TSC22D1: variants seen among roughly 807,000 people sequenced by gnomAD.
TSC22D1 encodes the protein TSC22 domain family protein 1.
TSC22D1 carries 9 observed loss-of-function variants against 74.2 expected under a neutral mutation model. That is an observed-to-expected ratio of 0.12 (90% confidence interval 0.07 to 0.21). The LOEUF (loss-of-function observed/expected upper bound fraction) is 0.21. Among genes scored for constraint, TSC22D1 ranks in the 10% least tolerant of loss-of-function variants. The probability of loss-of-function intolerance (pLI) is 1.00; values close to 1 mark genes in which losing one functional copy is unlikely to be tolerated. For missense variants in TSC22D1, 1,427 were observed against 1,304.7 expected, an observed-to-expected ratio of 1.09 and a Z score of -1.44; for synonymous variants, 586 against 492.5, an observed-to-expected ratio of 1.19 and a Z score of -2.51.
rs186287285 is a variant in TSC22D1, at chr13:44,551,382, T to G, written c.2912+21781A>C. Among the ~76,000 whole-genome samples the G allele has an allele frequency of 7.5e-5, 8 of 107,122 alleles. No homozygotes were observed. The East Asian group carries it at 1.9e-3, about 25-fold the overall frequency. The allele number at this position is 107,122 out of a possible 152,430, so 70.3% of individuals were successfully genotyped here. On this transcript the variant is annotated intron_variant, in intron 1 of 2. Coordinates refer to ENST00000458659, the MANE Select transcript of TSC22D1 (RefSeq NM_183422.4). ...CTAAAACAAAAACCCAAAACCCCAA[T>G]CAGATGGGTGTGTGTGTGTGTGTGT...
intron 1 of TSC22D1, among the ~76,000 whole-genome samples, chr13:44,543,573 G>A (rs1342500721): frequency 6.6e-6 from 1 of 152,150 alleles, no homozygotes; most frequent in Non-Finnish European, 1.5e-5. Flanking sequence ...AGTCCTAGCT[G>A]GCAGTAAGAA....
At chr13:44,503,612 A>C (rs74068553) in intron 1 of TSC22D1, among the ~76,000 whole-genome samples, 1 of 152,218 alleles carries the variant, frequency 6.6e-6, no homozygotes, top group Non-Finnish European at 1.5e-5. Context: ...TCTAGAATAG[A>C]AAAGTCTTTC....
At chr13:44,438,074 T>C (rs779303736) in intron 1 of TSC22D1, among the ~76,000 whole-genome samples, 2 of 152,248 alleles carry the variant, frequency 1.3e-5, no homozygotes, top group Non-Finnish European at 2.9e-5. Flanking sequence ...CAATTTAATA[T>C]ACTAGAAATC....
intron 1 of TSC22D1, among the ~76,000 whole-genome samples, chr13:44,541,377 A>C (rs1299224296): frequency 6.6e-6 from 1 of 152,190 alleles, no homozygotes; most frequent in Non-Finnish European, 1.5e-5. Flanking sequence ...ACAAATGAGA[A>C]ATGACAGTTT....
intron 1 of TSC22D1, among the ~76,000 whole-genome samples, chr13:44,517,482 T>C (rs965654456): frequency 1.3e-5 from 2 of 151,810 alleles, no homozygotes; most frequent in African/African-American, 2.4e-5. Context: ...AACAACAGAA[T>C]TGTTAAATTT....
At chr13:44,492,794 A>G (rs1325755530) in intron 1 of TSC22D1, among the ~76,000 whole-genome samples, 2 of 152,106 alleles carry the variant, frequency 1.3e-5, no homozygotes, top group Non-Finnish European at 2.9e-5. Flanking sequence ...TTTCCTAATA[A>G]TTTACTTAAA....
chr13:44,549,766 C>CA (rs886489093), intron 1 of TSC22D1, among the ~76,000 whole-genome samples: 18 of 79,472 alleles, frequency 2.3e-4, no homozygotes, highest in Admixed American at 7.3e-4. Flanking sequence ...AACCCTGCCT[C>CA]AAAAAAAAAG....
At chr13:44,535,946 T>C (rs562320232) in intron 1 of TSC22D1, among the ~76,000 whole-genome samples, 2 of 151,984 alleles carry the variant, frequency 1.3e-5, no homozygotes, top group Non-Finnish European at 1.5e-5. Context: ...CATACACATA[T>C]AGGAAAAGCT....
chr13:44,543,455 T>C (rs1336699481), intron 1 of TSC22D1, among the ~76,000 whole-genome samples: 1 of 152,222 alleles, frequency 6.6e-6, no homozygotes, highest in African/African-American at 2.4e-5. Context: ...TCTACATACA[T>C]TGGAAGTATC....
rs545624377 is a variant in TSC22D1 at position 44,514,227 on chromosome 13, T to C, written c.2912+58936A>G. 3.2e-4 allele frequency among the ~76,000 whole-genome samples: 49 copies of C among 152,084 alleles called. 1 individual carries two copies. Among genetic ancestry groups the C allele is most frequent in the African/African-American group, 1.1e-3 (45 of 41,486 alleles). On this transcript the variant is annotated intron_variant, in intron 1 of 2. Transcript: ENST00000458659. ...AATCCACTCAGTGCACCAAAATCAA[T>C]TTCAAAGGAGTTAAGATTTATGTAG...
rs1883999255 is a variant in TSC22D1 at position 44,574,097 on chromosome 13, G to T, written c.1978C>A (p.Gln660Lys). ...GACATTGCTGTTTGAAGAATTGGCT[G>T]CTGTTGTACATACTCTGAAGCAGGA... Reference protein sequence around the residue: ...QNPASEYVQQQPILQTAMSSG... With the variant: ...QNPASEYVQQKPILQTAMSSG... Residue 660 changes from glutamine to lysine, a missense_variant, in exon 1 of 3, where the codon CAG (glutamine) becomes AAG (lysine). Physicochemically the swap from Gln to Lys is moderately conservative, Grantham distance 53. Around this residue, in one of 3 missense-constraint regions of TSC22D1, gnomAD observed 1,343 missense variants for 1,191.5 expected, o/e 1.13. Transcript: ENST00000458659. 1 of 1,614,124 alleles carries T rather than the reference G, an allele frequency of 6.2e-7. No individual in the cohort carries two copies. Among genetic ancestry groups the T allele is most frequent in the Admixed American group, 1.7e-5 (1 of 60,012 alleles).
intron 1 of TSC22D1, among the ~76,000 whole-genome samples, chr13:44,560,953 C>T (rs1043569028): frequency 3.3e-5 from 5 of 152,150 alleles, no homozygotes; most frequent in Admixed American, 2.0e-4. Flanking sequence ...CATTTCTTTT[C>T]CCTCCCTAGT....
chr13:44,538,399 A>C, intron 1 of TSC22D1: 1 of 985,344 alleles, frequency 1.0e-6, no homozygotes, highest in Non-Finnish European at 1.2e-6. Flanking sequence ...TTTATTTACT[A>C]GTTACTTTCA....
intron 1 of TSC22D1, among the ~76,000 whole-genome samples, chr13:44,553,746 A>G (rs1012532911): frequency 6.6e-6 from 1 of 152,216 alleles, no homozygotes; most frequent in Non-Finnish European, 1.5e-5. Context: ...TGAATTTAGG[A>G]ATTTCAAAGA....
rs137860866 is a variant in TSC22D1 at position 44,522,689 on chromosome 13, G to C, written c.2912+50474C>G. Among the ~76,000 whole-genome samples the C allele has an allele frequency of 1.2e-4, 19 of 152,242 alleles. No homozygotes were observed. The East Asian group carries it at 3.3e-3, about 26-fold the overall frequency. The stretch of plus-strand genomic sequence containing the variant: ...TTTATCTTTCACAAAAGTTAACTCA[G>C]AAAGTATCACAGACCTATACATACA... On this transcript the variant is annotated intron_variant, in intron 1 of 2. Transcript: ENST00000458659.
At chr13:44,496,671 G>A (rs1358648306) in intron 1 of TSC22D1, among the ~76,000 whole-genome samples, 1 of 150,964 alleles carries the variant, frequency 6.6e-6, no homozygotes, top group Admixed American at 6.6e-5. Context: ...GGCAACAAAA[G>A]CGAGACTCTG....
chr13:44,449,695 A>G (rs1292098794), intron 1 of TSC22D1, among the ~76,000 whole-genome samples: 1 of 151,432 alleles, frequency 6.6e-6, no homozygotes, highest in Non-Finnish European at 1.5e-5. Flanking sequence ...GAAAATAATA[A>G]AGTGCTGAGT....
At chr13:44,496,005 C>T (rs1310683157) in intron 1 of TSC22D1, among the ~76,000 whole-genome samples, 6 of 152,064 alleles carry the variant, frequency 3.9e-5, no homozygotes, top group Non-Finnish European at 7.4e-5. Flanking sequence ...AAAATTAAAC[C>T]TTTTGTACAT....
Position 44,497,398 on chromosome 13 carries a change from T to C in TSC22D1, c.2913-61303A>G, listed in dbSNP as rs115480176. ...GCCAAGGGCTGGGGCAGAGGCAAAC[T>C]GGGAATTGCCACTTTCTTTTGGGGT... is the stretch of plus-strand genomic sequence containing the variant. On this transcript the variant is annotated intron_variant, in intron 1 of 2. Coordinates refer to ENST00000458659, the MANE Select transcript of TSC22D1 (RefSeq NM_183422.4). Among the ~76,000 whole-genome samples the C allele has an allele frequency of 5.7e-3, 864 of 152,292 alleles. 7 individuals carry two copies. The highest frequency in any genetic ancestry group is 0.02 in the African/African-American group (823 of 41,554).
Sources: allele counts gnomAD v4.1 joint callset (sites outside exome capture counted in the v4.1 genomes callset), GRCh38; gene constraint gnomAD v4.1.1; regional missense constraint gnomAD v4.1.1; transcripts MANE v1.5; gene names NCBI Gene and HGNC (gene_info 2026-07-23, HGNC 2026-07-21).